Variants in TRPC5 observed in about 807,000 individuals in gnomAD.
TRPC5 encodes transient receptor potential cation channel subfamily C member 5, also known as short transient receptor potential channel 5.
A neutral mutation model predicts 56.5 loss-of-function variants in TRPC5; 9 were observed. The ratio of observed to expected loss-of-function variants is 0.16; its 90% CI spans 0.10 to 0.28. The LOEUF is 0.28. TRPC5 is among the 10% of genes least tolerant of loss of function. TRPC5 has a pLI of 1.00. For missense variants in TRPC5, 469 were observed against 748.9 expected (o/e 0.63, Z 4.36); for synonymous variants, 282 against 278.5 (o/e 1.01, Z -0.13).
chrX:111,855,518 G>T (rs762351760), intron 3 of TRPC5, among the ~76,000 whole-genome samples: 1 of 111,889 alleles, frequency 8.9e-6, no homozygotes, highest in Non-Finnish European at 1.9e-5. Context: ...ACGTCACGGA[G>T]AAATTTCTGT....
At chrX:111,932,758 A>G (rs1376661055) in intron 2 of TRPC5, among the ~76,000 whole-genome samples, 3 of 112,059 alleles carry the variant, frequency 2.7e-5, no homozygotes, top group Non-Finnish European at 5.6e-5. Flanking sequence ...AGATGAGCAC[A>G]GCAACCCAGC....
At chrX:111,847,079 A>AAAAT (rs745643076) in intron 6 of TRPC5, 35 bp downstream of exon 6, 2 of 1,158,127 alleles carry the variant, frequency 1.7e-6, no homozygotes, top group East Asian at 6.0e-5. Context: ...GGCAAAAAAA[A>AAAAT]AAATAAATAA....
At chrX:112,014,418 A>ATC (rs1299277594) in intron 1 of TRPC5, among the ~76,000 whole-genome samples, 1 of 112,393 alleles carries the variant, frequency 8.9e-6, no homozygotes, top group African/African-American at 3.2e-5. Context: ...CTAAACTGGG[A>ATC]TCTACCTAAC....
At chrX:111,903,830 A>G (rs2148615823) in intron 3 of TRPC5, 1 of 112,293 alleles carries the variant, frequency 8.9e-6, no homozygotes, top group Non-Finnish European at 1.9e-5. Flanking sequence ...GGGTTAAAAT[A>G]TGTGGGGAGT....
At chrX:111,938,863 A>G (rs1291136308) in intron 2 of TRPC5, among the ~76,000 whole-genome samples, 1 of 112,112 alleles carries the variant, frequency 8.9e-6, no homozygotes, top group African/African-American at 3.2e-5. Flanking sequence ...AATAAGGATA[A>G]TTTGACTTCT....
intron 1 of TRPC5, among the ~76,000 whole-genome samples, chrX:112,018,178 C>G (rs374655691): frequency 8.9e-6 from 1 of 112,365 alleles, no homozygotes; most frequent in Admixed American, 9.4e-5. Context: ...TTCTACTGGA[C>G]CACACTGCAC....
At chrX:111,925,475 T>C (rs1389056302) in intron 2 of TRPC5, among the ~76,000 whole-genome samples, 1 of 112,296 alleles carries the variant, frequency 8.9e-6, no homozygotes, top group Non-Finnish European at 1.9e-5. Context: ...CTGTATTATC[T>C]TTTGGGGGGT....
At chrX:111,815,181 CT>C (rs1399233451) in intron 7 of TRPC5, among the ~76,000 whole-genome samples, 1 of 111,420 alleles carries the variant, frequency 9.0e-6, no homozygotes, top group African/African-American at 3.3e-5. Flanking sequence ...TTGAGCATGC[CT>C]TTGAAACCGG....
intron 1 of TRPC5, among the ~76,000 whole-genome samples, chrX:111,977,352 G>C (rs1031676916): frequency 1.8e-5 from 2 of 111,387 alleles, no homozygotes; most frequent in Non-Finnish European, 3.8e-5. Context: ...ACTGATCTTC[G>C]GAGTGTCAAA....
chrX:111,866,592 T>G (rs747260992), intron 3 of TRPC5, among the ~76,000 whole-genome samples: 1 of 112,681 alleles, frequency 8.9e-6, no homozygotes, highest in South Asian at 3.7e-4. Flanking sequence ...CATAAAGCTG[T>G]GTTGTCAATG....
intron 2 of TRPC5, among the ~76,000 whole-genome samples, chrX:111,931,848 T>A (rs1926425757): frequency 9.0e-6 from 1 of 111,730 alleles, no homozygotes; most frequent in East Asian, 2.8e-4. Context: ...TTATTCTGCA[T>A]CACAGGATGG....
intron 2 of TRPC5, chrX:111,930,940 G>T (rs1008740182): frequency 1.4e-5 from 2 of 139,371 alleles, no homozygotes; most frequent in African/African-American, 3.2e-5. Context: ...TAGAGGTAAA[G>T]TCCATGGTTC....
At chrX:111,893,587 G>A (rs1214705975) in intron 3 of TRPC5, among the ~76,000 whole-genome samples, 3 of 112,307 alleles carry the variant, frequency 2.7e-5, no homozygotes, top group Non-Finnish European at 5.6e-5. Flanking sequence ...AAATTTGGAG[G>A]AGGAAAGAAA....
intron 2 of TRPC5, among the ~76,000 whole-genome samples, chrX:111,923,305 A>T (rs1336060830): frequency 6.2e-5 from 7 of 112,262 alleles, no homozygotes; most frequent in Non-Finnish European, 1.3e-4. Context: ...CCAGACAAAC[A>T]TTACATAACA....
chrX:111,987,350 A>AT (rs1355981712), intron 1 of TRPC5, among the ~76,000 whole-genome samples: 6 of 110,415 alleles, frequency 5.4e-5, no homozygotes, highest in African/African-American at 6.6e-5. Context: ...TTTCTTCTTT[A>AT]TTTTTTTTGT....
Position 111,828,245 on chromosome X carries a change from T to G in TRPC5, c.1896+6676A>C, listed in dbSNP as rs762198429. On this transcript the variant is annotated intron_variant, in intron 7 of 10. Coordinates refer to ENST00000262839, the MANE Select transcript of TRPC5 (RefSeq NM_012471.3). The stretch of plus-strand genomic sequence containing the variant: ...CTGTGTCCCCACCCAAATCTCATAT[T>G]GAATTATAATCCCCATAATCCCCAT... Among the ~76,000 whole-genome samples, 271 of 111,978 alleles carry G rather than the reference T, an allele frequency of 2.4e-3. 1 individual carries two copies. The highest frequency in any genetic ancestry group is 3.2e-3 in the Non-Finnish European group (169 of 53,188).
chrX:111,965,812 C>T (rs1194777740), intron 1 of TRPC5, among the ~76,000 whole-genome samples: 1 of 111,343 alleles, frequency 9.0e-6, no homozygotes, highest in Non-Finnish European at 1.9e-5. Flanking sequence ...ATCTCTGGGA[C>T]ACATTCAAAG....
At chrX:111,909,031 CCCAG>C (rs943194185) in intron 3 of TRPC5, among the ~76,000 whole-genome samples, 3 of 110,267 alleles carry the variant, frequency 2.7e-5, no homozygotes, top group African/African-American at 9.9e-5. Context: ...CGCCTGTAAT[CCCAG>C]CACTTTGAGG....
At chrX:111,869,576 C>CGCA (rs1488301442) in intron 3 of TRPC5, among the ~76,000 whole-genome samples, 3 of 112,299 alleles carry the variant, frequency 2.7e-5, no homozygotes, top group Non-Finnish European at 5.6e-5. Context: ...AGGTTGAAAA[C>CGCA]TGTTTTAGAA....
Sources: allele counts gnomAD v4.1 joint callset (sites outside exome capture counted in the v4.1 genomes callset), GRCh38; gene constraint gnomAD v4.1.1; transcripts MANE v1.5; gene names NCBI Gene and HGNC (gene_info 2026-07-23, HGNC 2026-07-21).